Variants in TFB1M observed in about 807,000 individuals in gnomAD.
TFB1M encodes transcription factor B1, mitochondrial.
Under a neutral mutation model 31.1 loss-of-function variants are expected in TFB1M, and 27 were observed. The observed-to-expected ratio is 0.87, with a 90% confidence interval of 0.64 to 1.20. The LOEUF is 1.20. Among genes scored for constraint, TFB1M ranks in the 50% most tolerant of loss-of-function variants. TFB1M has a pLI of 0.00. For synonymous variants in TFB1M, 166 were observed against 151.8 expected (o/e 1.09, Z -0.69); for missense variants, 394 against 418.7 (o/e 0.94, Z 0.51).
intron 5 of TFB1M, among the ~76,000 whole-genome samples, chr6:155,271,903 TAAC>T (rs956534069): frequency 6.6e-6 from 1 of 152,318 alleles, no homozygotes; most frequent in Non-Finnish European, 1.5e-5. Flanking sequence ...AATCCTGTTG[TAAC>T]AACAATTCCC....
the TFB1M span, among the ~76,000 whole-genome samples, chr6:155,238,528 G>T: frequency 6.6e-6 from 1 of 152,216 alleles, no homozygotes; most frequent in Non-Finnish European, 1.5e-5. Context: ...GCAGACATCT[G>T]TTAGGGTCTC....
chr6:155,298,695 G>C, intron 2 of TFB1M, 110 bp from the exon 3 acceptor site: 1 of 736,396 alleles, frequency 1.4e-6, no homozygotes, highest in Non-Finnish European at 2.4e-6. Context: ...TCAGAGACCA[G>C]GGGTGATCAT....
At chr6:155,279,554 G>T (rs1785394615) in intron 5 of TFB1M, among the ~76,000 whole-genome samples, 1 of 152,136 alleles carries the variant, frequency 6.6e-6, no homozygotes, top group African/African-American at 2.4e-5. Context: ...GTTCAGTTTT[G>T]GATGTGGACA....
chr6:155,285,708 T>C (rs1390580022), intron 4 of TFB1M, among the ~76,000 whole-genome samples: 1 of 152,212 alleles, frequency 6.6e-6, no homozygotes, highest in East Asian at 1.9e-4. Flanking sequence ...AATGGTGTGC[T>C]TTTCAAATTC....
At chr6:155,262,564 T>C (rs1223807369) in intron 5 of TFB1M, among the ~76,000 whole-genome samples, 1 of 152,178 alleles carries the variant, frequency 6.6e-6, no homozygotes, top group African/African-American at 2.4e-5. Context: ...CAATTCTTAC[T>C]AGCAGCCTGC....
chr6:155,260,212 TTA>T lies in TFB1M; in HGVS notation c.794+59_794+60del, dbSNP rs1166003013. On this transcript the variant is annotated intron_variant, in intron 6 of 6. Transcript: ENST00000367166. ...AATAGAGCAAACAAGGTTCTCACTC[TTA>T]AAAAGTGCCTGAGGATTTTATAAAG... 1.8e-5 allele frequency: 29 copies of T among 1,595,724 alleles called. No individual in the cohort carries two copies. The East Asian group carries it at 6.0e-4, about 33-fold the overall frequency.
At chr6:155,294,754 T>G (rs1777087741) in intron 4 of TFB1M, among the ~76,000 whole-genome samples, 1 of 152,210 alleles carries the variant, frequency 6.6e-6, no homozygotes, top group Non-Finnish European at 1.5e-5. Context: ...CTTAGCATTA[T>G]CTATGCAGTG....
intron 2 of TFB1M, among the ~76,000 whole-genome samples, chr6:155,301,350 T>C (rs750257756): frequency 5.3e-5 from 8 of 152,196 alleles, no homozygotes; most frequent in African/African-American, 1.2e-4. Context: ...ATTATGATTA[T>C]AGACAGTACC....
chr6:155,256,514 AT>A lies in TFB1M; in HGVS notation c.*1321del. The A allele has an allele frequency of 6.2e-7, 1 of 1,614,230 alleles. No homozygotes were observed. The highest frequency in any genetic ancestry group is 8.5e-7 in the Non-Finnish European group (1 of 1,180,048). ...TCCAGGTCTTTAAAAGTCCTGAAGA[AT>A]TCCTCCAGCAACGAGTGGACCGGTG... On this transcript the variant is annotated 3_prime_UTR_variant, in exon 7 of 7. Transcript: ENST00000367166.
the TFB1M span, chr6:155,244,113 C>T: frequency 1.6e-4 from 255 of 1,585,998 alleles, 2 homozygotes; most frequent in East Asian, 4.8e-3. Flanking sequence ...GTCCAGTGAT[C>T]CACAGGTTAG....
chr6:155,304,413 C>T (rs1279712765), intron 2 of TFB1M, among the ~76,000 whole-genome samples: 1 of 152,148 alleles, frequency 6.6e-6, no homozygotes, highest in Non-Finnish European at 1.5e-5. Flanking sequence ...CCTACTCCGA[C>T]AAAGATGGAG....
the TFB1M span, chr6:155,244,860 GAGAA>G: frequency 6.8e-7 from 1 of 1,471,724 alleles, no homozygotes; most frequent in Non-Finnish European, 9.1e-7. Context: ...ATTCTCTCAT[GAGAA>G]AGAATTTCTT....
chr6:155,253,774 G>A, downstream of TFB1M: 1 of 511,688 alleles, frequency 2.0e-6, no homozygotes, highest in South Asian at 3.2e-5. Flanking sequence ...TCTGCAGCAG[G>A]AAATGTAAAA....
chr6:155,233,294 A>G, the TFB1M span, among the ~76,000 whole-genome samples: 1 of 152,244 alleles, frequency 6.6e-6, no homozygotes, highest in African/African-American at 2.4e-5. Flanking sequence ...GTTGTGATCA[A>G]GGGAACAGAT....
Position 155,256,480 on chromosome 6 carries a change from G to A in TFB1M, c.*1356C>T. Reference sequence around the variant, plus strand: ...CACAGCGAAATGTGTTTTTCTCACTGTAGCTTCATCCAGGTCTTTAAAAGT... The same window carrying A: ...CACAGCGAAATGTGTTTTTCTCACTATAGCTTCATCCAGGTCTTTAAAAGT... On this transcript the variant is annotated 3_prime_UTR_variant, in exon 7 of 7. Coordinates refer to ENST00000367166, the MANE Select transcript of TFB1M (RefSeq NM_016020.4). The A allele has an allele frequency of 6.2e-7, 1 of 1,614,142 alleles. No homozygotes were observed. Among genetic ancestry groups the A allele is most frequent in the Non-Finnish European group, 8.5e-7 (1 of 1,180,042 alleles).
At chr6:155,232,800 A>G in the TFB1M span, 1 of 152,172 alleles carries the variant, frequency 6.6e-6, no homozygotes, top group Non-Finnish European at 1.5e-5. Context: ...TCTCTTTCCT[A>G]GTAGCTTTCT....
chr6:155,308,594 T>C (rs930283746), intron 2 of TFB1M, among the ~76,000 whole-genome samples: 1 of 152,164 alleles, frequency 6.6e-6, no homozygotes, highest in East Asian at 1.9e-4. Flanking sequence ...AGTCTGCGTC[T>C]TTACCACAAA....
chr6:155,307,283 T>C (rs1777823498), intron 2 of TFB1M, among the ~76,000 whole-genome samples: 1 of 152,190 alleles, frequency 6.6e-6, no homozygotes, highest in South Asian at 2.1e-4. Flanking sequence ...GTTTTCATGC[T>C]GCTGCTCATA....
At chr6:155,297,477 G>C (rs1484539290) in intron 3 of TFB1M, among the ~76,000 whole-genome samples, 2 of 152,092 alleles carry the variant, frequency 1.3e-5, no homozygotes, top group Non-Finnish European at 2.9e-5. Context: ...CCAGGAAGGG[G>C]GTACAGGCAG....
Sources: allele counts gnomAD v4.1 joint callset (sites outside exome capture counted in the v4.1 genomes callset), GRCh38; gene constraint gnomAD v4.1.1; transcripts MANE v1.5; gene names NCBI Gene and HGNC (gene_info 2026-07-23, HGNC 2026-07-21).